SPRED1: variants seen among roughly 807,000 people sequenced by gnomAD.
SPRED1 encodes the protein sprouty related EVH1 domain containing 1.
In SPRED1, 18 loss-of-function variants were observed where a neutral mutation model predicts 52.3. That is an observed-to-expected ratio of 0.34 (90% CI 0.24 to 0.51). The LOEUF (loss-of-function observed/expected upper bound fraction) is 0.51. Among genes scored for constraint, SPRED1 ranks in the 20% least tolerant of loss-of-function variants. The probability of loss-of-function intolerance (pLI) is 0.97; values close to 1 mark genes in which losing one functional copy is unlikely to be tolerated. For synonymous variants in SPRED1, 155 were observed against 179.7 expected (o/e 0.86, Z 1.10); for missense variants, 485 against 551.0 (o/e 0.88, Z 1.20).
chr15:38,253,465 T>G (rs540516302), intron 1 of SPRED1, among the ~76,000 whole-genome samples: 1 of 152,242 alleles, frequency 6.6e-6, no homozygotes, highest in East Asian at 1.9e-4. Context: ...TGTACGTCTA[T>G]GAGAGGGAAT....
At chr15:38,301,337 A>G (rs1463926836) in intron 2 of SPRED1, among the ~76,000 whole-genome samples, 1 of 152,192 alleles carries the variant, frequency 6.6e-6, no homozygotes. Context: ...GTCCTAGGGT[A>G]TAGAATATTG....
chr15:38,299,425 G>A lies in SPRED1; in HGVS notation c.85G>A (p.Gly29Ser). 1 of 1,613,926 alleles carries A rather than the reference G, an allele frequency of 6.2e-7. No homozygotes were observed. Among genetic ancestry groups the A allele is most frequent in the Non-Finnish European group, 8.5e-7 (1 of 1,179,924 alleles). The change falls in exon 2 of 7, where the codon GGT becomes AGT. Residue 29 changes from glycine (G) to serine (S), a missense_variant. Transcript: ENST00000299084. ...AVVMTRDDSS[G>S]GWLPLGGSGL... ...GGTGATGACCCGAGATGACTCAAGT[G>A]GTGGATGGTTACCACTTGGAGGGAG...
At chr15:38,283,073 A>G (rs1479896024) in intron 1 of SPRED1, among the ~76,000 whole-genome samples, 1 of 152,200 alleles carries the variant, frequency 6.6e-6, no homozygotes, top group Non-Finnish European at 1.5e-5. Context: ...TAATTATAAA[A>G]GAAAGGGATT....
At chr15:38,284,548 A>G (rs1347074963) in intron 1 of SPRED1, among the ~76,000 whole-genome samples, 1 of 152,174 alleles carries the variant, frequency 6.6e-6, no homozygotes, top group Non-Finnish European at 1.5e-5. Context: ...ATGCAGTTGA[A>G]TATAGCAGTC....
chr15:38,288,485 G>A (rs1595727290), intron 1 of SPRED1, among the ~76,000 whole-genome samples: 1 of 152,176 alleles, frequency 6.6e-6, no homozygotes, highest in Admixed American at 6.6e-5. Flanking sequence ...AAAAGAAATA[G>A]TGGAGAGAAG....
intron 1 of SPRED1, among the ~76,000 whole-genome samples, chr15:38,296,763 A>G (rs1337627748): frequency 2.0e-5 from 3 of 152,326 alleles, no homozygotes; most frequent in South Asian, 4.1e-4. Flanking sequence ...TTTCTACATT[A>G]GTAGTTGCTG....
intron 4 of SPRED1, among the ~76,000 whole-genome samples, chr15:38,336,602 A>G (rs1427574328): frequency 2.0e-5 from 3 of 151,802 alleles, no homozygotes; most frequent in Non-Finnish European, 4.4e-5. Flanking sequence ...CTACTCAACC[A>G]TAAAAAGGAA....
intron 4 of SPRED1, among the ~76,000 whole-genome samples, chr15:38,334,496 G>A (rs1278419675): frequency 6.6e-6 from 1 of 151,920 alleles, no homozygotes; most frequent in Non-Finnish European, 1.5e-5. Context: ...GAATCCCCTG[G>A]TTCTAGCCTC....
chr15:38,297,725 G>A (rs960760976), intron 1 of SPRED1, among the ~76,000 whole-genome samples: 54 of 152,000 alleles, frequency 3.6e-4, no homozygotes, highest in African/African-American at 1.3e-3. Flanking sequence ...TAGTGTCTTC[G>A]GTTTTCAATG....
intron 2 of SPRED1, among the ~76,000 whole-genome samples, chr15:38,318,153 TC>T (rs1416850034): frequency 6.6e-6 from 1 of 152,042 alleles, no homozygotes; most frequent in Non-Finnish European, 1.5e-5. Context: ...ATTCCAAAAT[TC>T]ATTTTAGCAG....
intron 5 of SPRED1, among the ~76,000 whole-genome samples, chr15:38,340,590 TG>T (rs1226196943): frequency 1.3e-5 from 2 of 152,054 alleles, no homozygotes; most frequent in African/African-American, 4.8e-5. Context: ...TGGAGTGCAG[TG>T]GCATGATCTT....
intron 2 of SPRED1, among the ~76,000 whole-genome samples, chr15:38,305,193 A>C (rs1895227589): frequency 1.3e-5 from 2 of 152,000 alleles, no homozygotes; most frequent in African/African-American, 4.8e-5. Flanking sequence ...TTAGCTGGGC[A>C]TGGGGGCAGA....
chr15:38,321,734 C>T (rs745645485), intron 2 of SPRED1, among the ~76,000 whole-genome samples: 1 of 152,118 alleles, frequency 6.6e-6, no homozygotes, highest in Non-Finnish European at 1.5e-5. Flanking sequence ...GCTGGGATTA[C>T]AGGCATGTAC....
At chr15:38,319,169 G>A (rs1176227714) in intron 2 of SPRED1, among the ~76,000 whole-genome samples, 1 of 152,032 alleles carries the variant, frequency 6.6e-6, no homozygotes, top group African/African-American at 2.4e-5. Flanking sequence ...ATTTAGCATT[G>A]TTTTACAAAA....
At chr15:38,332,294 C>G (rs1242976540) in intron 4 of SPRED1, among the ~76,000 whole-genome samples, 1 of 151,904 alleles carries the variant, frequency 6.6e-6, no homozygotes, top group East Asian at 1.9e-4. Context: ...ATATTTTTTG[C>G]CAGGTGTGAT....
At chr15:38,309,250 C>T (rs893567469) in intron 2 of SPRED1, among the ~76,000 whole-genome samples, 1 of 152,170 alleles carries the variant, frequency 6.6e-6, no homozygotes, top group African/African-American at 2.4e-5. Context: ...AAACGATTCT[C>T]CTGCCTCAGC....
chr15:38,269,024 C>A (rs1257728610), intron 1 of SPRED1, among the ~76,000 whole-genome samples: 1 of 151,452 alleles, frequency 6.6e-6, no homozygotes, highest in Non-Finnish European at 1.5e-5. Context: ...ACTGCAAGCC[C>A]CGCTTCCCGG....
intron 4 of SPRED1, among the ~76,000 whole-genome samples, chr15:38,325,206 G>A (rs1895691008): frequency 6.6e-6 from 1 of 152,112 alleles, no homozygotes; most frequent in Non-Finnish European, 1.5e-5. Context: ...CTCATGTGAT[G>A]AATCACACTA....
intron 1 of SPRED1, among the ~76,000 whole-genome samples, chr15:38,279,448 T>C (rs1034521333): frequency 6.6e-6 from 1 of 152,224 alleles, no homozygotes; most frequent in Non-Finnish European, 1.5e-5. Flanking sequence ...CTTAATCTTA[T>C]CAGGTTGCAA....
Sources: allele counts gnomAD v4.1 joint callset (sites outside exome capture counted in the v4.1 genomes callset), GRCh38; gene constraint gnomAD v4.1.1; transcripts MANE v1.5; gene names NCBI Gene and HGNC (gene_info 2026-07-23, HGNC 2026-07-21).